The following CNNM2 variants were observed in gnomAD, a reference collection of about 807,000 sequenced individuals.
CNNM2 encodes the protein cyclin and CBS domain divalent metal cation transport mediator 2, also known as metal transporter CNNM2.
CNNM2 carries 12 observed loss-of-function variants against 66.9 expected under a neutral mutation model. The ratio of observed to expected loss-of-function variants is 0.18; its 90% CI spans 0.11 to 0.29. The LOEUF is 0.29. Among genes scored for constraint, CNNM2 ranks in the 10% least tolerant of loss-of-function variants. The pLI is 1.00. For synonymous variants in CNNM2, 557 were observed against 501.8 expected, an observed-to-expected ratio of 1.11 and a Z score of -1.47; for missense variants, 705 against 1,167.7, an observed-to-expected ratio of 0.60 and a Z score of 5.77.
intron 6 of CNNM2, among the ~76,000 whole-genome samples, chr10:103,073,104 G>A (rs767145426): frequency 1.3e-5 from 2 of 152,228 alleles, no homozygotes; most frequent in East Asian, 1.9e-4. Flanking sequence ...GGCGCCCGTC[G>A]AGCTGTTGAA....
chr10:102,941,130 A>G lies in CNNM2; in HGVS notation c.1621+21029A>G, dbSNP rs11191470. On this transcript the variant is annotated intron_variant, in intron 1 of 7. Transcript: ENST00000369878. Reference sequence around the variant, plus strand: ...TATTTTGATTATCATTAAACTTCCAAGATGGCTTTCTTTATTGTCTGTTTC... The same window carrying G: ...TATTTTGATTATCATTAAACTTCCAGGATGGCTTTCTTTATTGTCTGTTTC... Among the ~76,000 whole-genome samples the G allele has an allele frequency of 6.9e-3, 1,047 of 152,312 alleles. 3 individuals carry two copies. The highest frequency in any genetic ancestry group is 0.011 in the Non-Finnish European group (780 of 68,024).
chr10:103,010,898 C>G (rs967392034), intron 1 of CNNM2, among the ~76,000 whole-genome samples: 1 of 152,184 alleles, frequency 6.6e-6, no homozygotes, highest in Non-Finnish European at 1.5e-5. Flanking sequence ...CAGGCGTAAG[C>G]TACCGTGCCT....
chr10:103,072,548 A>ACCAGGCAGGCGACC, intron 6 of CNNM2, among the ~76,000 whole-genome samples: 3 of 150,642 alleles, frequency 2.0e-5, no homozygotes, highest in Admixed American at 1.3e-4. Flanking sequence ...TCTCCCTGCC[A>ACCAGGCAGGCGACC]CCTGACTTTG....
At chr10:103,063,006 G>A (rs1245311404) in intron 4 of CNNM2, among the ~76,000 whole-genome samples, 2 of 152,178 alleles carry the variant, frequency 1.3e-5, no homozygotes, top group East Asian at 3.9e-4. Flanking sequence ...GTTGACAGTA[G>A]CAAGGCTTAG....
chr10:102,954,982 C>A (rs905698030), intron 1 of CNNM2, among the ~76,000 whole-genome samples: 1 of 152,074 alleles, frequency 6.6e-6, no homozygotes, highest in African/African-American at 2.4e-5. Context: ...CGATGCCATC[C>A]CCATCAAGCT....
chr10:103,003,972 C>T (rs1365268921), intron 1 of CNNM2, among the ~76,000 whole-genome samples: 1 of 146,518 alleles, frequency 6.8e-6, no homozygotes, highest in Non-Finnish European at 1.5e-5. Context: ...CTGAGTAGTA[C>T]TCCATTGCAT....
At chr10:103,034,546 A>G (rs1412725102) in intron 1 of CNNM2, among the ~76,000 whole-genome samples, 3 of 152,186 alleles carry the variant, frequency 2.0e-5, no homozygotes, top group African/African-American at 7.2e-5. Context: ...CTTTTGTATA[A>G]TTACTGATCT....
At position 103,078,833 on chromosome 10, in the gene CNNM2, G is replaced by A. The variant is rs1287290231; in HGVS notation, c.*1653G>A. 1 of 152,498 alleles carries A rather than the reference G, an allele frequency of 6.6e-6. No homozygotes were observed. Among genetic ancestry groups the A allele is most frequent in the African/African-American group, 2.4e-5 (1 of 41,470 alleles). 9.4% of individuals were successfully genotyped at this position (152,498 alleles called of 1,614,324 possible). Reference sequence around the variant, plus strand: ...GTCTGTTCAGCCACGGCTGGGCTGTGTGCGGGGCAGGGAGCGTGGCTGAGG... The same window carrying A: ...GTCTGTTCAGCCACGGCTGGGCTGTATGCGGGGCAGGGAGCGTGGCTGAGG... On this transcript the variant is annotated 3_prime_UTR_variant, in exon 8 of 8. Transcript: ENST00000369878.
chr10:103,048,179 G>A (rs2065158253), intron 1 of CNNM2, among the ~76,000 whole-genome samples: 2 of 150,286 alleles, frequency 1.3e-5, no homozygotes, highest in African/African-American at 2.5e-5. Context: ...CCTCCCAAAG[G>A]GCTGGGATTA....
chr10:103,046,756 T>C (rs908857950), intron 1 of CNNM2, among the ~76,000 whole-genome samples: 2 of 152,254 alleles, frequency 1.3e-5, no homozygotes, highest in Non-Finnish European at 2.9e-5. Context: ...GTCTGTGCAG[T>C]ATACTGTGTT....
At chr10:103,073,854 G>A (rs1229125190) in intron 6 of CNNM2, among the ~76,000 whole-genome samples, 5 of 117,256 alleles carry the variant, frequency 4.3e-5, no homozygotes, top group African/African-American at 1.4e-4. Context: ...GGGCGACAGA[G>A]CGAGACTCCG....
exon 8 of CNNM2, chr10:103,090,220 CCA>C (rs2066370140): frequency 2.9e-6 from 1 of 339,970 alleles, no homozygotes; most frequent in Non-Finnish European, 5.3e-6. Flanking sequence ...AATGTAAAAA[CCA>C]CATTTTCTTT....
chr10:103,087,131 C>T lies in CNNM2; in HGVS notation c.*9951C>T, dbSNP rs2065826444. The T allele has an allele frequency of 8.9e-6, 1 of 111,870 alleles. No individual in the cohort carries two copies. Among genetic ancestry groups the T allele is most frequent in the Non-Finnish European group, 1.8e-5 (1 of 55,380 alleles). The allele number at this position is 111,870 out of a possible 1,614,324, so 6.9% of individuals were successfully genotyped here. A position where few individuals can be genotyped will look rare whatever the true frequency, so the allele number is the denominator to read the frequency against. ...AGAATGGTCTTCTCACGGTATAAAA[C>T]TCCGCAGGATTTTTTTTTTTTTTTT... On this transcript the variant is annotated 3_prime_UTR_variant, in exon 8 of 8. Transcript: ENST00000369878.
intron 1 of CNNM2, among the ~76,000 whole-genome samples, chr10:103,036,128 G>GACACAC (rs140473396): frequency 2.7e-5 from 4 of 150,160 alleles, no homozygotes; most frequent in South Asian, 4.2e-4. Context: ...AAACCAATAG[G>GACACAC]ACACACACAC....
chr10:102,948,429 G>T (rs1846699667), intron 1 of CNNM2, among the ~76,000 whole-genome samples: 1 of 152,138 alleles, frequency 6.6e-6, no homozygotes, highest in Non-Finnish European at 1.5e-5. Flanking sequence ...ACATGATAAG[G>T]TGGGAGGTAA....
At chr10:103,008,821 C>A (rs1204081562) in intron 1 of CNNM2, among the ~76,000 whole-genome samples, 3 of 147,374 alleles carry the variant, frequency 2.0e-5, no homozygotes, top group Non-Finnish European at 3.0e-5. Context: ...TACTGTACTT[C>A]TACAAATATG....
intron 1 of CNNM2, among the ~76,000 whole-genome samples, chr10:103,032,661 CTTTTTTTT>C (rs11300982): frequency 2.5e-5 from 3 of 120,590 alleles, no homozygotes; most frequent in Non-Finnish European, 5.0e-5. Flanking sequence ...TGATGTAGCT[CTTTTTTTT>C]TTTTTTTTTT....
intron 1 of CNNM2, among the ~76,000 whole-genome samples, chr10:102,995,169 C>CTTCCTCCTCCACTT (rs1491291112): frequency 7.3e-6 from 1 of 137,730 alleles, no homozygotes; most frequent in Non-Finnish European, 1.6e-5. Flanking sequence ...TCCTCCTCCT[C>CTTCCTCCTCCACTT]CCCCTCTTCC....
At chr10:103,029,548 C>G (rs1590421734) in intron 1 of CNNM2, among the ~76,000 whole-genome samples, 1 of 151,442 alleles carries the variant, frequency 6.6e-6, no homozygotes, top group African/African-American at 2.4e-5. Context: ...ACCCTTCCTT[C>G]AATAATCTCA....
Sources: allele counts gnomAD v4.1 joint callset (sites outside exome capture counted in the v4.1 genomes callset), GRCh38; gene constraint gnomAD v4.1.1; transcripts MANE v1.5; gene names NCBI Gene and HGNC (gene_info 2026-07-23, HGNC 2026-07-21).